C14orf132: variants seen among roughly 807,000 people sequenced by gnomAD.
The protein encoded by C14orf132 is uncharacterized protein C14orf132.
A neutral mutation model predicts 5.8 loss-of-function variants in C14orf132; 6 were observed. The observed-to-expected ratio is 1.03, with a 90% confidence interval of 0.57 to 2.04. C14orf132 has a LOEUF of 2.04. C14orf132 is among the 30% of genes most tolerant of loss of function. C14orf132 has a pLI of 0.00. For missense variants in C14orf132, 125 were observed against 115.8 expected (o/e 1.08, Z -0.37); for synonymous variants, 51 against 49.8 (o/e 1.02, Z -0.10).
At chr14:96,040,507 G>A (rs1886662758) in intron 1 of C14orf132, 2 of 388,078 alleles carry the variant, frequency 5.2e-6, no homozygotes, top group South Asian at 1.4e-4. Context: ...ATCTGCTGCT[G>A]TTTTCTTTTA....
In C14orf132 at chr14:96,091,486, G is replaced by A. The variant is rs1953199388; in HGVS notation, c.*4751G>A. The A allele has an allele frequency of 6.0e-6, 1 of 166,158 alleles. No homozygotes were observed. The highest frequency in any genetic ancestry group is 5.9e-5 in the Admixed American group (1 of 17,050). The allele number at this position is 166,158 out of a possible 1,614,324, so 10.3% of individuals were successfully genotyped here. Reference sequence around the variant, plus strand: ...AGGGGTCCGTGGTCCAGCACGTTGTGCGTTCAGTGGGAAGCAAAGGGCTTG... The same window carrying A: ...AGGGGTCCGTGGTCCAGCACGTTGTACGTTCAGTGGGAAGCAAAGGGCTTG... On this transcript the variant is annotated 3_prime_UTR_variant, in exon 2 of 2. Coordinates refer to ENST00000555004, the MANE Select transcript of C14orf132 (RefSeq NM_001252507.3).
chr14:96,077,673 A>T (rs1275083209), intron 1 of C14orf132, among the ~76,000 whole-genome samples: 1 of 152,180 alleles, frequency 6.6e-6, no homozygotes, highest in Non-Finnish European at 1.5e-5. Context: ...GGTACTTTGT[A>T]TGGCAGCCAG....
At chr14:96,086,431 ACCAGACCACTT>A in intron 1 of C14orf132, 69 bp from the exon 2 acceptor site, 1 of 1,324,514 alleles carries the variant, frequency 7.5e-7, no homozygotes, top group Non-Finnish European at 1.0e-6. Context: ...GGGTTGTTTG[ACCAGACCACTT>A]CCCTTTTGCA....
At chr14:96,043,885 TCTC>T (rs1387280114) in intron 1 of C14orf132, among the ~76,000 whole-genome samples, 2 of 152,152 alleles carry the variant, frequency 1.3e-5, no homozygotes, top group Non-Finnish European at 2.9e-5. Context: ...AAACTGAGCT[TCTC>T]CCTCTCTCCA....
At chr14:96,061,723 G>A (rs1300906861) in intron 1 of C14orf132, among the ~76,000 whole-genome samples, 1 of 152,086 alleles carries the variant, frequency 6.6e-6, no homozygotes, top group East Asian at 1.9e-4. Context: ...CCAGGAGCTG[G>A]AGACCAGACA....
chr14:96,051,146 C>T (rs1313323905), intron 1 of C14orf132: 2 of 398,534 alleles, frequency 5.0e-6, no homozygotes, highest in African/African-American at 2.1e-5. Context: ...TGGGGAATAA[C>T]AAGTGAGGAT....
chr14:96,090,266 C>T lies in C14orf132; in HGVS notation c.*3531C>T, dbSNP rs375692858. 2 of 176,630 alleles carry T rather than the reference C, an allele frequency of 1.1e-5. No individual in the cohort carries two copies. Among genetic ancestry groups the T allele is most frequent in the South Asian group, 1.4e-4 (1 of 7,238 alleles). 10.9% of individuals were successfully genotyped at this position (176,630 alleles called of 1,614,324 possible). On this transcript the variant is annotated 3_prime_UTR_variant, in exon 2 of 2. Transcript: ENST00000555004. ...AATTAACCAGACATTGTGGCATGTG[C>T]CTGTAATCCCAGCTACTCAGGAGGC...
intron 1 of C14orf132, among the ~76,000 whole-genome samples, chr14:96,044,758 C>A (rs188075292): frequency 2.0e-5 from 3 of 152,192 alleles, no homozygotes; most frequent in Non-Finnish European, 2.9e-5. Context: ...GTAGTCTCTG[C>A]CTGCATCGTC....
Position 96,062,925 on chromosome 14 carries a change from A to G in C14orf132, c.27+23398A>G, listed in dbSNP as rs150086404. 4.7e-4 allele frequency among the ~76,000 whole-genome samples: 71 copies of G among 152,286 alleles called. 1 individual carries two copies. The highest frequency in any genetic ancestry group is 1.5e-3 in the African/African-American group (61 of 41,530). ...AGACTTGATTTTGCCCAAACAAGCC[A>G]CTGAGCATTTATTGAGTGCCTGCTA... is the stretch of plus-strand genomic sequence containing the variant. On this transcript the variant is annotated intron_variant, in intron 1 of 1. Coordinates refer to ENST00000555004, the MANE Select transcript of C14orf132 (RefSeq NM_001252507.3).
intron 1 of C14orf132, among the ~76,000 whole-genome samples, chr14:96,072,793 G>A (rs11623034): frequency 0.53 from 79,905 of 152,060 alleles, 21,225 homozygotes; most frequent in East Asian, 0.62. Flanking sequence ...AGATTCACCC[G>A]TGTCATTGCG....
rs1389804537 is a variant in C14orf132 at position 96,093,784 on chromosome 14, C to A, written c.*7049C>A. The stretch of plus-strand genomic sequence containing the variant: ...TGCTCTTTTGATTAAAAATATCTAA[C>A]CTTAAAAGACGTAAAAATGTATCTG... On this transcript the variant is annotated 3_prime_UTR_variant, in exon 2 of 2. Transcript: ENST00000555004. The A allele has an allele frequency of 6.6e-6, 1 of 152,292 alleles. No homozygotes were observed. Among genetic ancestry groups the A allele is most frequent in the South Asian group, 2.1e-4 (1 of 4,824 alleles). 9.4% of individuals were successfully genotyped at this position (152,292 alleles called of 1,614,324 possible). A position where few individuals can be genotyped will look rare whatever the true frequency, so the allele number is the denominator to read the frequency against.
chr14:96,071,087 A>G (rs992684806), intron 1 of C14orf132, among the ~76,000 whole-genome samples: 27 of 152,238 alleles, frequency 1.8e-4, no homozygotes, highest in African/African-American at 6.5e-4. Flanking sequence ...TATAAAGGAA[A>G]GAGATTTAAT....
chr14:96,051,965 C>T (rs1251395746), intron 1 of C14orf132, among the ~76,000 whole-genome samples: 8 of 152,232 alleles, frequency 5.3e-5, no homozygotes, highest in Admixed American at 2.6e-4. Flanking sequence ...GGATAGCTGT[C>T]GTAGGTGAAT....
At chr14:96,053,457 AC>A (rs1336642362) in intron 1 of C14orf132, among the ~76,000 whole-genome samples, 1 of 152,230 alleles carries the variant, frequency 6.6e-6, no homozygotes, top group East Asian at 1.9e-4. Context: ...GGTGCCCAGT[AC>A]ATGTTGACTT....
chr14:96,066,376 C>A (rs566987576), intron 1 of C14orf132, among the ~76,000 whole-genome samples: 4 of 152,166 alleles, frequency 2.6e-5, no homozygotes, highest in Admixed American at 6.5e-5. Flanking sequence ...TGCTGAGTTA[C>A]TATGGCAACA....
At chr14:96,081,317 G>A (rs1329491836) in intron 1 of C14orf132, among the ~76,000 whole-genome samples, 2 of 152,174 alleles carry the variant, frequency 1.3e-5, no homozygotes, top group African/African-American at 4.8e-5. Flanking sequence ...CTATACGGCT[G>A]TCTTTATTAT....
chr14:96,090,572 G>A lies in C14orf132; in HGVS notation c.*3837G>A. On this transcript the variant is annotated 3_prime_UTR_variant, in exon 2 of 2. Transcript: ENST00000555004. ...GATGGCGCAGCTCTTCCTACTCCAA[G>A]CCAATGCTGTCCTTCCCCTTTCCCA... 1 of 455,866 alleles carries A rather than the reference G, an allele frequency of 2.2e-6. No individual in the cohort carries two copies. The highest frequency in any genetic ancestry group is 4.4e-6 in the Non-Finnish European group (1 of 226,700). 28.2% of individuals were successfully genotyped at this position (455,866 alleles called of 1,614,324 possible).
intron 1 of C14orf132, among the ~76,000 whole-genome samples, chr14:96,075,350 G>T (rs186178908): frequency 6.6e-6 from 1 of 152,248 alleles, no homozygotes; most frequent in African/African-American, 2.4e-5. Flanking sequence ...TCTGCAATTA[G>T]AGATAGTTTT....
Position 96,090,916 on chromosome 14 carries a change from T to C in C14orf132, c.*4181T>C. On this transcript the variant is annotated 3_prime_UTR_variant, in exon 2 of 2. Transcript: ENST00000555004. ...GCACTTTCCTTCTTCAGAAGCATCA[T>C]CTGCCTTCATTATTAGCAGTAATAT... 1 of 456,126 alleles carries C rather than the reference T, an allele frequency of 2.2e-6. No individual in the cohort carries two copies. The highest frequency in any genetic ancestry group is 1.5e-5 in the South Asian group (1 of 64,562). The allele number at this position is 456,126 out of a possible 1,614,324, so 28.3% of individuals were successfully genotyped here.
Sources: gnomAD v4.1 joint callset for allele counts (sites outside exome capture counted in the v4.1 genomes callset) on GRCh38, gnomAD v4.1.1 for gene constraint, MANE v1.5 for transcripts, NCBI Gene and HGNC (gene_info 2026-07-23, HGNC 2026-07-21) for gene names.